Variants in GLDC observed in about 807,000 individuals in gnomAD.
GLDC encodes glycine decarboxylase, also known as glycine dehydrogenase (decarboxylating), mitochondrial.
GLDC carries 104 observed loss-of-function variants against 121.3 expected under a neutral mutation model. The observed-to-expected ratio is 0.86, with a 90% CI of 0.73 to 1.01. The LOEUF (loss-of-function observed/expected upper bound fraction) is 1.01. Among genes scored for constraint, GLDC ranks in the 50% least tolerant of loss-of-function variants. The pLI is 0.00. For missense variants in GLDC, 1,429 were observed against 1,306.6 expected, an observed-to-expected ratio of 1.09 and a Z score of -1.44; for synonymous variants, 546 against 480.6, an observed-to-expected ratio of 1.14 and a Z score of -1.78.
At chr9:6,550,395 G>C (rs1228543322) in intron 21 of GLDC, among the ~76,000 whole-genome samples, 2 of 152,176 alleles carry the variant, frequency 1.3e-5, no homozygotes, top group Non-Finnish European at 2.9e-5. Flanking sequence ...GGGAGGCTGA[G>C]ACAGGTGGAT....
chr9:6,552,936 C>G (rs180784264), intron 20 of GLDC, among the ~76,000 whole-genome samples: 3 of 151,746 alleles, frequency 2.0e-5, no homozygotes, highest in South Asian at 2.1e-4. Context: ...CTGGCCCCCC[C>G]CAAGAAATAT....
At chr9:6,588,528 C>T (rs902234667) in intron 13 of GLDC, 86 bp from the exon 14 acceptor site, 13 of 1,433,240 alleles carry the variant, frequency 9.1e-6, no homozygotes, top group Admixed American at 6.7e-5. Context: ...CATGGCCACC[C>T]CTTTGTTGCT....
At chr9:6,592,265 T>C in intron 10 of GLDC, 42 bp from the exon 11 acceptor site, 1 of 1,184,000 alleles carries the variant, frequency 8.4e-7, no homozygotes, top group Non-Finnish European at 1.3e-6. Flanking sequence ...AACTCTAAAC[T>C]CCACATCACT....
At chr9:6,575,299 G>T (rs930085783) in intron 15 of GLDC, among the ~76,000 whole-genome samples, 4 of 151,890 alleles carry the variant, frequency 2.6e-5, no homozygotes, top group African/African-American at 9.7e-5. Flanking sequence ...TTGTGCAGTA[G>T]GTAGGGCATC....
rs1056964902 is a variant in GLDC at position 6,613,406 on chromosome 9, C to T, written c.471-3050G>A. Among the ~76,000 whole-genome samples the T allele has an allele frequency of 1.1e-4, 16 of 152,016 alleles. 1 individual carries two copies. The highest frequency in any genetic ancestry group is 3.9e-4 in the African/African-American group (16 of 41,394). On this transcript the variant is annotated intron_variant, in intron 3 of 24. Transcript: ENST00000321612. ...CTTTGGGAGGCCAAGGTGGGAGGAT[C>T]ACTTGCACCAGGAGTTCGAGACCAG...
chr9:6,568,186 G>C (rs1040929567), intron 15 of GLDC, among the ~76,000 whole-genome samples: 3 of 151,892 alleles, frequency 2.0e-5, no homozygotes, highest in Non-Finnish European at 4.4e-5. Context: ...CAGAAATGCT[G>C]GATTTCTCTC....
At chr9:6,582,602 G>A (rs1818192298) in intron 15 of GLDC, among the ~76,000 whole-genome samples, 2 of 151,916 alleles carry the variant, frequency 1.3e-5, no homozygotes, top group Admixed American at 1.3e-4. Flanking sequence ...GGCCGAGGCG[G>A]GTGGATCACG....
At chr9:6,606,347 AAC>A (rs1042629224) in intron 5 of GLDC, among the ~76,000 whole-genome samples, 4 of 151,978 alleles carry the variant, frequency 2.6e-5, no homozygotes, top group Non-Finnish European at 5.9e-5. Context: ...AAGAAAACAA[AAC>A]ACAACTTACT....
intron 11 of GLDC, 83 bp from the exon 12 acceptor site, chr9:6,589,375 C>G: frequency 1.3e-6 from 1 of 790,082 alleles, no homozygotes; most frequent in Non-Finnish European, 2.3e-6. Flanking sequence ...GTGGCTGGGC[C>G]ACAAAGCACT....
chr9:6,628,068 G>A (rs967556002), intron 2 of GLDC, among the ~76,000 whole-genome samples: 7 of 152,184 alleles, frequency 4.6e-5, no homozygotes, highest in African/African-American at 1.7e-4. Flanking sequence ...GAACTTCACA[G>A]AATCCAGTGT....
intron 21 of GLDC, among the ~76,000 whole-genome samples, chr9:6,544,292 G>A (rs1817337546): frequency 6.6e-6 from 1 of 152,046 alleles, no homozygotes; most frequent in South Asian, 2.1e-4. Context: ...GTGAGCCAAG[G>A]ATGTGAGGGC....
intron 16 of GLDC, among the ~76,000 whole-genome samples, chr9:6,560,752 C>T (rs1003163410): frequency 2.0e-5 from 3 of 152,194 alleles, no homozygotes; most frequent in African/African-American, 7.2e-5. Flanking sequence ...CACTGAATAA[C>T]GGGCTCCCAA....
At chr9:6,636,334 G>A (rs2130000719) in intron 2 of GLDC, among the ~76,000 whole-genome samples, 1 of 151,952 alleles carries the variant, frequency 6.6e-6, no homozygotes, top group South Asian at 2.1e-4. Flanking sequence ...GGGTGATAAT[G>A]ATGCATTAAT....
chr9:6,635,006 C>T (rs1425485063), intron 2 of GLDC, among the ~76,000 whole-genome samples: 3 of 152,152 alleles, frequency 2.0e-5, no homozygotes, highest in Non-Finnish European at 4.4e-5. Flanking sequence ...TTTCATGTCC[C>T]TCTGCAATCT....
chr9:6,642,341 C>G (rs1027026532), intron 2 of GLDC, among the ~76,000 whole-genome samples: 1 of 151,910 alleles, frequency 6.6e-6, no homozygotes, highest in African/African-American at 2.4e-5. Flanking sequence ...ACCAGCCTGG[C>G]CAACATGGAG....
In GLDC at chr9:6,644,666, C is replaced by G. The variant is rs769003941; in HGVS notation, c.282G>C (p.Thr94=). The G allele has an allele frequency of 1.2e-6, 2 of 1,613,276 alleles. No homozygotes were observed. The highest frequency in any genetic ancestry group is 1.1e-5 in the South Asian group (1 of 91,062). Residue 94 remains threonine, a synonymous_variant, in exon 2 of 25, where the codon ACG becomes ACC. Coordinates refer to ENST00000321612, the MANE Select transcript of GLDC (RefSeq NM_000170.3). The part of the protein sequence containing the change: ...LASIDELIEK[T]VPANIRLKRP... ...TTTTCAAACGGATGTTGGCAGGGAC[C>G]GTCTTCTCGATCAATTCATCAATGC... is the stretch of plus-strand genomic sequence containing the variant.
At chr9:6,619,690 T>C (rs1201459197) in intron 3 of GLDC, among the ~76,000 whole-genome samples, 1 of 152,300 alleles carries the variant, frequency 6.6e-6, no homozygotes, top group East Asian at 1.9e-4. Context: ...ATCACACCAC[T>C]GCACTCCAGA....
At chr9:6,546,909 CCAA>C (rs1462588422) in intron 21 of GLDC, among the ~76,000 whole-genome samples, 1 of 151,906 alleles carries the variant, frequency 6.6e-6, no homozygotes, top group Non-Finnish European at 1.5e-5. Flanking sequence ...TTGCAGTGAG[CCAA>C]CATCACACCA....
chr9:6,535,967 C>T lies in GLDC; in HGVS notation c.2838+97G>A. The T allele has an allele frequency of 2.9e-6, 3 of 1,016,954 alleles. No homozygotes were observed. In the South Asian group the frequency reaches 3.8e-5, roughly 13 times the overall value. 63.0% of individuals were successfully genotyped at this position (1,016,954 alleles called of 1,614,324 possible). On this transcript the variant is annotated intron_variant, in intron 23 of 24. Transcript: ENST00000321612. The stretch of plus-strand genomic sequence containing the variant: ...ATTACCTTATTCTAGGGAAGAGTAT[C>T]ATCCTCAGTTGAGAGTTCGGGAGTT...
Sources: gnomAD v4.1 joint callset for allele counts (sites outside exome capture counted in the v4.1 genomes callset) on GRCh38, gnomAD v4.1.1 for gene constraint, MANE v1.5 for transcripts, NCBI Gene and HGNC (gene_info 2026-07-23, HGNC 2026-07-21) for gene names.